ULK4: variants seen among roughly 807,000 people sequenced by gnomAD.
ULK4 encodes inactive serine/threonine-protein kinase ULK4.
ULK4 carries 133 observed loss-of-function variants against 160.6 expected under a neutral mutation model. That is an observed-to-expected ratio of 0.83 (90% CI 0.72 to 0.96). The LOEUF (loss-of-function observed/expected upper bound fraction) is 0.96. Among genes scored for constraint, ULK4 ranks in the 40% least tolerant of loss-of-function variants. The pLI, the probability that ULK4 is intolerant of heterozygous loss-of-function variation, is 0.00. For missense variants in ULK4, 1,580 were observed against 1,499.5 expected (o/e 1.05, Z -0.89); for synonymous variants, 534 against 539.8 (o/e 0.99, Z 0.15).
At chr3:41,627,611 G>A (rs1044558990) in intron 30 of ULK4, among the ~76,000 whole-genome samples, 1 of 152,160 alleles carries the variant, frequency 6.6e-6, no homozygotes, top group Non-Finnish European at 1.5e-5. Flanking sequence ...AACTACCTCA[G>A]TATTTAATTT....
rs951370866 is a variant in ULK4 at position 41,703,235 on chromosome 3, GTATT to G, written c.2781+1818_2781+1821del. 1.5e-4 allele frequency among the ~76,000 whole-genome samples: 5 copies of G among 33,422 alleles called. No homozygotes were observed. The Admixed American group carries it at 1.6e-3, about 10-fold the overall frequency. The allele number at this position is 33,422 out of a possible 152,430, so 21.9% of individuals were successfully genotyped here. On this transcript the variant is annotated intron_variant, in intron 27 of 36. Coordinates refer to ENST00000301831, the MANE Select transcript of ULK4 (RefSeq NM_017886.4). The stretch of plus-strand genomic sequence containing the variant: ...ACTGCACGGAACAGCTGCAAAATAT[GTATT>G]TTTTTTTCAAACATACAGAATATCT...
At chr3:41,499,258 A>G (rs1458249587) in intron 32 of ULK4, among the ~76,000 whole-genome samples, 1 of 152,122 alleles carries the variant, frequency 6.6e-6, no homozygotes, top group Non-Finnish European at 1.5e-5. Flanking sequence ...TTTGCTAGAA[A>G]AAGCTCATGA....
intron 5 of ULK4, among the ~76,000 whole-genome samples, chr3:41,926,432 G>A (rs983363012): frequency 2.0e-5 from 3 of 152,204 alleles, no homozygotes; most frequent in African/African-American, 2.4e-5. Flanking sequence ...AAACCAGAAC[G>A]CCTCTTCTCC....
In ULK4 at chr3:41,408,204, G is replaced by A. The variant is rs181092341; in HGVS notation, c.3493-9940C>T. Reference sequence around the variant, plus strand: ...AGCACTTTGGGAGGCCGAGGTGGGCGGATCACGAGGTCAGGAGATCGAGAC... The same window carrying A: ...AGCACTTTGGGAGGCCGAGGTGGGCAGATCACGAGGTCAGGAGATCGAGAC... On this transcript the variant is annotated intron_variant, in intron 34 of 36. Coordinates refer to ENST00000301831, the MANE Select transcript of ULK4 (RefSeq NM_017886.4). 2.6e-4 allele frequency among the ~76,000 whole-genome samples: 40 copies of A among 151,796 alleles called. No individual in the cohort carries two copies. In the East Asian group the frequency reaches 5.0e-3, roughly 19 times the overall value.
chr3:41,287,522 C>T (rs756438372), intron 35 of ULK4, among the ~76,000 whole-genome samples: 1 of 152,114 alleles, frequency 6.6e-6, no homozygotes, highest in African/African-American at 2.4e-5. Context: ...CCAAATAGGG[C>T]CCCCATGGGA....
At chr3:41,613,384 G>C (rs929020296) in intron 31 of ULK4, among the ~76,000 whole-genome samples, 1 of 151,816 alleles carries the variant, frequency 6.6e-6, no homozygotes, top group African/African-American at 2.4e-5. Context: ...TCACTTTTAG[G>C]CATTTGTAAA....
intron 4 of ULK4, among the ~76,000 whole-genome samples, chr3:41,934,774 A>G (rs1054995549): frequency 6.6e-6 from 1 of 152,168 alleles, no homozygotes; most frequent in African/African-American, 2.4e-5. Flanking sequence ...TTGATCCATA[A>G]TATCAGGAAT....
intron 22 of ULK4, among the ~76,000 whole-genome samples, chr3:41,720,445 A>T (rs2037410638): frequency 3.3e-5 from 5 of 152,204 alleles, no homozygotes; most frequent in Admixed American, 3.3e-4. Context: ...CCACCTAGAA[A>T]AAAATACCAG....
Position 41,856,537 on chromosome 3 carries a change from G to GTA in ULK4, c.1657-20568_1657-20567dup, listed in dbSNP as rs199794363. Among the ~76,000 whole-genome samples the GTA allele has an allele frequency of 2.3e-3, 204 of 87,836 alleles. 2 individuals carry two copies. The highest frequency in any genetic ancestry group is 0.013 in the Middle Eastern group (2 of 154). 57.6% of individuals were successfully genotyped at this position (87,836 alleles called of 152,430 possible). On this transcript the variant is annotated intron_variant, in intron 17 of 36. Transcript: ENST00000301831. ...AATATATATATATATATATATGTAT[G>GTA]TATATATATATGTGTATATATATAC...
intron 32 of ULK4, among the ~76,000 whole-genome samples, chr3:41,465,057 A>C (rs548671304): frequency 1.2e-4 from 19 of 152,330 alleles, no homozygotes; most frequent in African/African-American, 4.6e-4. Context: ...AGGTTCTCAG[A>C]TAAGATTAGA....
At chr3:41,378,508 C>T (rs2081566157) in intron 35 of ULK4, among the ~76,000 whole-genome samples, 1 of 151,736 alleles carries the variant, frequency 6.6e-6, no homozygotes, top group Non-Finnish European at 1.5e-5. Flanking sequence ...TGGAAACCAT[C>T]ATTATCAGCA....
rs567715882 is a variant in ULK4 at position 41,920,867 on chromosome 3, ACCAGC to A, written c.542-1054_542-1050del. Among the ~76,000 whole-genome samples the A allele has an allele frequency of 4.0e-3, 606 of 152,306 alleles. 3 individuals carry two copies. The highest frequency in any genetic ancestry group is 0.014 in the African/African-American group (575 of 41,556). ...ATCGATGGAAGGTATATTTGCCTGCACCAGCTGCTGAGGAAACAAAGACAAATAAC... is the reference window on the plus strand; with the variant it reads ...ATCGATGGAAGGTATATTTGCCTGCATGCTGAGGAAACAAAGACAAATAAC... On this transcript the variant is annotated intron_variant, in intron 5 of 36. Transcript: ENST00000301831.
chr3:41,335,386 A>C (rs2080532960), intron 35 of ULK4, among the ~76,000 whole-genome samples: 1 of 152,182 alleles, frequency 6.6e-6, no homozygotes, highest in African/African-American at 2.4e-5. Flanking sequence ...CATTTATTTA[A>C]TAAGTTCCTG....
chr3:41,297,245 G>A (rs1423581690), intron 35 of ULK4, among the ~76,000 whole-genome samples: 2 of 152,164 alleles, frequency 1.3e-5, no homozygotes, highest in Non-Finnish European at 2.9e-5. Flanking sequence ...TTGTGATCCT[G>A]GACTCCTTCT....
At chr3:41,522,320 AG>A (rs1396334373) in intron 32 of ULK4, among the ~76,000 whole-genome samples, 1 of 151,738 alleles carries the variant, frequency 6.6e-6, no homozygotes, top group Non-Finnish European at 1.5e-5. Context: ...TTGTATTTTT[AG>A]TAGAGACGGG....
chr3:41,565,965 A>C lies in ULK4; in HGVS notation c.3226+60T>G, dbSNP rs187668766. 415 of 1,333,918 alleles carry C rather than the reference A, an allele frequency of 3.1e-4. No homozygotes were observed. The East Asian group carries it at 8.5e-3, about 27-fold the overall frequency. The allele number at this position is 1,333,918 out of a possible 1,614,324, so 82.6% of individuals were successfully genotyped here. ...GTGGTACTTCTAGACTCCACGCTAT[A>C]TAAGATGAAGAAATGAATAGGCAAA... On this transcript the variant is annotated intron_variant, in intron 32 of 36. Transcript: ENST00000301831.
intron 35 of ULK4, among the ~76,000 whole-genome samples, chr3:41,361,839 G>T (rs1250115303): frequency 6.6e-6 from 1 of 152,060 alleles, no homozygotes; most frequent in Non-Finnish European, 1.5e-5. Context: ...TTGTTTCTAG[G>T]GAAGTCAGCT....
At chr3:41,852,994 C>G (rs2042253459) in intron 17 of ULK4, among the ~76,000 whole-genome samples, 1 of 152,174 alleles carries the variant, frequency 6.6e-6, no homozygotes, top group African/African-American at 2.4e-5. Flanking sequence ...AATGACTCAC[C>G]TGGGAGACCA....
Position 41,263,496 on chromosome 3 carries a change from C to T in ULK4, c.3679-13922G>A, listed in dbSNP as rs529990258. Among the ~76,000 whole-genome samples the T allele has an allele frequency of 2.6e-5, 4 of 152,240 alleles. No homozygotes were observed. The South Asian group carries it at 8.3e-4, about 32-fold the overall frequency. On this transcript the variant is annotated intron_variant, in intron 35 of 36. Transcript: ENST00000301831. Reference sequence around the variant, plus strand: ...CACAGCTTCCTTCTTTCCCCAGTTCCTCACTCGACAAGGTAAGGATACTAT... The same window carrying T: ...CACAGCTTCCTTCTTTCCCCAGTTCTTCACTCGACAAGGTAAGGATACTAT...
Sources: gnomAD v4.1 joint callset for allele counts (sites outside exome capture counted in the v4.1 genomes callset) on GRCh38, gnomAD v4.1.1 for gene constraint, MANE v1.5 for transcripts, NCBI Gene and HGNC (gene_info 2026-07-23, HGNC 2026-07-21) for gene names.